The following DNAH14 variants were observed in gnomAD, a reference collection of about 807,000 sequenced individuals.
DNAH14 encodes the protein dynein axonemal heavy chain 14.
A neutral mutation model predicts 520.9 loss-of-function variants in DNAH14; 478 were observed. The observed-to-expected ratio is 0.92, with a 90% confidence interval of 0.85 to 0.99. DNAH14 has a LOEUF of 0.99. DNAH14 is among the 50% of genes least tolerant of loss of function. The pLI is 0.00. For missense variants in DNAH14, 4,831 were observed against 5,234.5 expected (o/e 0.92, Z 2.38); for synonymous variants, 1,581 against 1,757.2 (o/e 0.90, Z 2.51).
chr1:225,299,850 T>TTA (rs2094104065), intron 55 of DNAH14, among the ~76,000 whole-genome samples: 2 of 152,162 alleles, frequency 1.3e-5, no homozygotes, highest in Non-Finnish European at 2.9e-5. Flanking sequence ...AGGAAATACG[T>TTA]TAGCCCTGTG....
chr1:224,936,142 G>A (rs995190871), intron 1 of DNAH14, among the ~76,000 whole-genome samples: 3 of 151,634 alleles, frequency 2.0e-5, no homozygotes, highest in Non-Finnish European at 4.4e-5. Context: ...ACAATCTAAT[G>A]ATGTACCTCA....
chr1:225,398,211 A>G (rs547725474), intron 84 of DNAH14: 1 of 266,004 alleles, frequency 3.8e-6, no homozygotes, highest in African/African-American at 2.2e-5. Context: ...AAGCTCGGCT[A>G]CACGATTACA....
chr1:225,364,469 T>C, intron 75 of DNAH14, among the ~76,000 whole-genome samples: 1 of 152,176 alleles, frequency 6.6e-6, no homozygotes, highest in South Asian at 2.1e-4. Context: ...TTTACCGTCA[T>C]CATTTATTTT....
At chr1:225,172,107 A>G (rs956473658) in intron 36 of DNAH14, among the ~76,000 whole-genome samples, 9 of 152,214 alleles carry the variant, frequency 5.9e-5, no homozygotes, top group African/African-American at 1.7e-4. Context: ...TTGATGGGAC[A>G]TATCTCAAAA....
intron 22 of DNAH14, among the ~76,000 whole-genome samples, chr1:225,099,788 C>T (rs1277275723): frequency 6.6e-6 from 1 of 152,080 alleles, no homozygotes; most frequent in Non-Finnish European, 1.5e-5. Flanking sequence ...TGTTGGGGTA[C>T]TCTGAAATCT....
chr1:224,952,429 T>A (rs1392487100), intron 1 of DNAH14, among the ~76,000 whole-genome samples: 3 of 152,186 alleles, frequency 2.0e-5, no homozygotes, highest in Admixed American at 6.5e-5. Flanking sequence ...AACCAATGCA[T>A]GTAAGATGGA....
intron 17 of DNAH14, among the ~76,000 whole-genome samples, chr1:225,057,164 G>A (rs1457724411): frequency 6.6e-6 from 1 of 152,202 alleles, no homozygotes; most frequent in Admixed American, 6.5e-5. Flanking sequence ...CTACCCATGA[G>A]CATGGAATGT....
chr1:225,094,678 ACAACAAAACAAACAAAC>A (rs201098416), intron 21 of DNAH14, among the ~76,000 whole-genome samples: 11 of 83,640 alleles, frequency 1.3e-4, no homozygotes, highest in African/African-American at 1.1e-3. Flanking sequence ...AAAAAAAAAA[ACAACAAAACAAACAAAC>A]AAAAAAACGC....
intron 8 of DNAH14, among the ~76,000 whole-genome samples, chr1:224,987,938 G>C (rs1336505681): frequency 6.6e-6 from 1 of 152,088 alleles, no homozygotes; most frequent in Non-Finnish European, 1.5e-5. Context: ...TGTGCAGGAC[G>C]TGCAGGTTTG....
At chr1:225,337,936 C>T in intron 67 of DNAH14, 125 bp from the exon 68 acceptor site, 1 of 908,650 alleles carries the variant, frequency 1.1e-6, no homozygotes, top group Non-Finnish European at 1.6e-6. Context: ...CCCTGTTGTA[C>T]TATGAAATAC....
In DNAH14 at chr1:225,303,268, A is replaced by T. The variant is rs1426105110; in HGVS notation, c.8744A>T (p.Tyr2915Phe). 16 of 1,551,416 alleles carry T rather than the reference A, an allele frequency of 1.0e-5. No individual in the cohort carries two copies. Among genetic ancestry groups the T allele is most frequent in the Non-Finnish European group, 1.4e-5 (16 of 1,146,828 alleles). The change falls in exon 57 of 86, where the codon TAT becomes TTT. Residue 2915 changes from tyrosine (Y) to phenylalanine (F), a missense_variant. Tyr to Phe is a conservative substitution (Grantham distance 22, BLOSUM62 3). Coordinates refer to ENST00000682510, the MANE Select transcript of DNAH14 (RefSeq NM_001367479.1). ...SMISSCTIDW[Y>F]ERWPEEALLI... ...ATTAGCTCCTGCACGATCGATTGGT[A>T]TGAGAGGTGGCCAGAAGAAGCTCTC...
At chr1:225,297,490 T>C (rs1016590137) in intron 55 of DNAH14, among the ~76,000 whole-genome samples, 1 of 152,218 alleles carries the variant, frequency 6.6e-6, no homozygotes, top group Non-Finnish European at 1.5e-5. Flanking sequence ...AGCAATCACC[T>C]TTCCAACTTT....
At chr1:225,213,581 G>A (rs892457108) in intron 41 of DNAH14, among the ~76,000 whole-genome samples, 3 of 151,852 alleles carry the variant, frequency 2.0e-5, no homozygotes, top group Non-Finnish European at 2.9e-5. Context: ...CTTTTATTTC[G>A]TTGAGCAGTG....
In DNAH14 at chr1:225,303,262, A is replaced by T; in HGVS notation, c.8738A>T (p.Asp2913Val). The change falls in exon 57 of 86, where the codon GAT (aspartate) becomes GTT (valine). Residue 2913 changes from aspartate to valine, a missense_variant. By Grantham distance (152) the Asp-to-Val change is radical. Transcript: ENST00000682510. ...YPSMISSCTIDWYERWPEEAL... is the reference protein window; with the variant it reads ...YPSMISSCTIVWYERWPEEAL... Reference sequence around the variant, plus strand: ...TCTATGATTAGCTCCTGCACGATCGATTGGTATGAGAGGTGGCCAGAAGAA... The same window carrying T: ...TCTATGATTAGCTCCTGCACGATCGTTTGGTATGAGAGGTGGCCAGAAGAA... 6.4e-7 allele frequency: 1 copy of T among 1,551,556 alleles called. No individual in the cohort carries two copies. The highest frequency in any genetic ancestry group is 1.2e-5 in the South Asian group (1 of 84,020).
Position 225,144,645 on chromosome 1 carries a change from TC to T in DNAH14, c.4740+19del, listed in dbSNP as rs1231929411. On this transcript the variant is annotated intron_variant, in intron 29 of 85. Coordinates refer to ENST00000682510, the MANE Select transcript of DNAH14 (RefSeq NM_001367479.1). ...CTAGCAAAAGTAAGTGGTTTCTGTA[TC>T]CAGAATAAAAACTTTTTTCTTTTTC... is the stretch of plus-strand genomic sequence containing the variant. The T allele has an allele frequency of 6.5e-7, 1 of 1,528,126 alleles. No individual in the cohort carries two copies. The highest frequency in any genetic ancestry group is 1.2e-5 in the South Asian group (1 of 82,106). The allele number at this position is 1,528,126 out of a possible 1,614,324, so 94.7% of individuals were successfully genotyped here. A position where few individuals can be genotyped will look rare whatever the true frequency, so the allele number is the denominator to read the frequency against.
intron 36 of DNAH14, among the ~76,000 whole-genome samples, chr1:225,178,722 G>A (rs539375516): frequency 5.9e-5 from 9 of 152,170 alleles, no homozygotes; most frequent in African/African-American, 1.9e-4. Flanking sequence ...GACTTTGGGG[G>A]ACTGTTGGGA....
intron 23 of DNAH14, among the ~76,000 whole-genome samples, chr1:225,116,304 T>C (rs1468829010): frequency 6.6e-6 from 1 of 152,112 alleles, no homozygotes; most frequent in Non-Finnish European, 1.5e-5. Context: ...GTGAAATAAT[T>C]AAATCAGAAA....
chr1:224,946,915 C>CTTTT (rs746576812), intron 1 of DNAH14, among the ~76,000 whole-genome samples: 12 of 108,238 alleles, frequency 1.1e-4, no homozygotes, highest in South Asian at 3.0e-4. Context: ...GTTTCATCTA[C>CTTTT]TTTTTTTTTT....
chr1:225,381,315 A>G, intron 80 of DNAH14, 68 bp from the exon 81 acceptor site: 1 of 1,437,122 alleles, frequency 7.0e-7, no homozygotes, highest in South Asian at 1.4e-5. Flanking sequence ...TCAAAGCCTA[A>G]GTCCCTCCAT....
Sources: allele counts gnomAD v4.1 joint callset (sites outside exome capture counted in the v4.1 genomes callset), GRCh38; gene constraint gnomAD v4.1.1; transcripts MANE v1.5; gene names NCBI Gene and HGNC (gene_info 2026-07-23, HGNC 2026-07-21).